PICALM: variants seen among roughly 807,000 people sequenced by gnomAD.
The protein encoded by PICALM is phosphatidylinositol binding clathrin assembly protein.
In PICALM, 40 loss-of-function variants were observed where a neutral mutation model predicts 80.5. That is an observed-to-expected ratio of 0.50 (90% CI 0.39 to 0.65). The LOEUF is 0.65. Ranked by LOEUF, PICALM falls within the 30% of genes least tolerant of loss-of-function variation. The probability of loss-of-function intolerance (pLI) is 0.00; values close to 1 mark genes in which losing one functional copy is unlikely to be tolerated. For synonymous variants in PICALM, 288 were observed against 260.3 expected (o/e 1.11, Z -1.02); for missense variants, 676 against 778.9 (o/e 0.87, Z 1.57).
rs1259743464 is a variant in PICALM at position 86,008,950 on chromosome 11, GCCAAAAA to G, written c.766-1374_766-1368del. ...CTCCAGAAAAAGGAAAAAAAAAAAA[GCCAAAAA>G]AAAAAAAAAAGAAAAAAAGCGTAAG... On this transcript the variant is annotated intron_variant, in intron 7 of 19. Transcript: ENST00000393346. 1.5e-4 allele frequency among the ~76,000 whole-genome samples: 5 copies of G among 34,382 alleles called. No homozygotes were observed. The South Asian group carries it at 2.9e-3, about 20-fold the overall frequency. 22.6% of individuals were successfully genotyped at this position (34,382 alleles called of 152,430 possible).
intron 17 of PICALM, among the ~76,000 whole-genome samples, chr11:85,979,870 T>C (rs1470510611): frequency 1.3e-5 from 2 of 152,210 alleles, no homozygotes; most frequent in African/African-American, 4.8e-5. Context: ...CAAGGAGTTT[T>C]CTTTGACTGA....
At position 86,064,254 on chromosome 11, in the gene PICALM, T is replaced by C. The variant is rs555833228; in HGVS notation, c.130+4397A>G. On this transcript the variant is annotated intron_variant, in intron 1 of 19. Transcript: ENST00000393346. ...AACCATGCTGTATCGACCAGAGATA[T>C]GTTGATAATGGATGCTTAGTAAGAA... Among the ~76,000 whole-genome samples the C allele has an allele frequency of 5.7e-4, 87 of 152,304 alleles. 1 individual carries two copies. The highest frequency in any genetic ancestry group is 2.0e-3 in the African/African-American group (84 of 41,568).
intron 9 of PICALM, among the ~76,000 whole-genome samples, chr11:86,001,792 C>T (rs1414728444): frequency 2.6e-5 from 4 of 152,166 alleles, no homozygotes; most frequent in African/African-American, 2.4e-5. Context: ...TGGCAAGGCA[C>T]CTCCTTTCCC....
intron 1 of PICALM, among the ~76,000 whole-genome samples, chr11:86,035,879 C>T (rs572171120): frequency 5.8e-5 from 8 of 138,864 alleles, no homozygotes; most frequent in South Asian, 2.3e-4. Flanking sequence ...GTCTGGGAGG[C>T]GGAGGTTGCA....
chr11:85,963,973 A>C (rs1402476717), intron 19 of PICALM, among the ~76,000 whole-genome samples: 1 of 126,994 alleles, frequency 7.9e-6, no homozygotes, highest in Non-Finnish European at 1.6e-5. Flanking sequence ...AATGTTGTAC[A>C]GGCTGGGTCA....
Position 86,068,814 on chromosome 11 carries a change from C to CAGCCGGCGGGGACTGGGACCCCCAAG in PICALM, c.-60_-35dup, listed in dbSNP as rs2096484314. 6.4e-7 allele frequency: 1 copy of CAGCCGGCGGGGACTGGGACCCCCAAG among 1,574,194 alleles called. No homozygotes were observed. Among genetic ancestry groups the CAGCCGGCGGGGACTGGGACCCCCAAG allele is most frequent in the Admixed American group, 1.8e-5 (1 of 55,682 alleles). ...CTCCTCCACCACCCCACCCGCTCAG[C>CAGCCGGCGGGGACTGGGACCCCCAAG]AGCCGGCGGGGACTGGGACCCCCAA... On this transcript the variant is annotated 5_prime_UTR_variant, in exon 1 of 20. Transcript: ENST00000393346.
At chr11:86,037,259 A>ATTTTTTTTTTT (rs763255182) in intron 1 of PICALM, among the ~76,000 whole-genome samples, 1 of 106,034 alleles carries the variant, frequency 9.4e-6, no homozygotes, top group African/African-American at 4.0e-5. Context: ...AAAAAAGAAA[A>ATTTTTTTTTTT]TTTTTTTTTT....
intron 10 of PICALM, 50 bp downstream of exon 10, chr11:86,000,985 A>T (rs770145578): frequency 3.1e-6 from 5 of 1,604,532 alleles, no homozygotes; most frequent in Non-Finnish European, 4.3e-6. Flanking sequence ...CCATTTACCT[A>T]ATGAACACCT....
chr11:86,010,917 T>C lies in PICALM; in HGVS notation c.765+113A>G, dbSNP rs113843966. 7.5e-3 allele frequency: 4,844 copies of C among 648,546 alleles called. 19 individuals are homozygous for C. Among genetic ancestry groups the C allele is most frequent in the Non-Finnish European group, 0.01 (3,659 of 363,400 alleles). The allele number at this position is 648,546 out of a possible 1,614,324, so 40.2% of individuals were successfully genotyped here. A position where few individuals can be genotyped will look rare whatever the true frequency, so the allele number is the denominator to read the frequency against. ...AGAATTCAATACAGCATAATAATGA[T>C]TGAATACTAAATTGAAGACATTTAT... On this transcript the variant is annotated intron_variant, in intron 7 of 19. Transcript: ENST00000393346.
At chr11:86,052,756 T>C (rs1283745161) in intron 1 of PICALM, among the ~76,000 whole-genome samples, 1 of 152,190 alleles carries the variant, frequency 6.6e-6, no homozygotes, top group Non-Finnish European at 1.5e-5. Context: ...CAAAAAGCTA[T>C]ATCTAAAGGT....
intron 1 of PICALM, among the ~76,000 whole-genome samples, chr11:86,035,125 T>G (rs977813939): frequency 5.8e-5 from 1 of 17,334 alleles, no homozygotes; most frequent in Admixed American, 4.1e-4. Flanking sequence ...TGAGGAAGTC[T>G]TTTTTTTTTT....
chr11:85,981,539 G>T (rs1183979423), intron 16 of PICALM, among the ~76,000 whole-genome samples: 1 of 151,882 alleles, frequency 6.6e-6, no homozygotes, highest in Non-Finnish European at 1.5e-5. Flanking sequence ...TCCGGGAGGC[G>T]GAGCTTGCAG....
At chr11:86,062,539 G>A (rs2096384987) in intron 1 of PICALM, among the ~76,000 whole-genome samples, 1 of 151,574 alleles carries the variant, frequency 6.6e-6, no homozygotes, top group Admixed American at 6.6e-5. Context: ...AAACCCTAAT[G>A]TAAACCATGG....
At chr11:86,053,366 TG>T (rs1379503295) in intron 1 of PICALM, among the ~76,000 whole-genome samples, 5 of 152,262 alleles carry the variant, frequency 3.3e-5, no homozygotes, top group African/African-American at 1.2e-4. Flanking sequence ...AGACTATGTC[TG>T]GATGTCACTT....
intron 19 of PICALM, among the ~76,000 whole-genome samples, chr11:85,972,544 T>C (rs1320301973): frequency 6.6e-6 from 1 of 152,180 alleles, no homozygotes; most frequent in Non-Finnish European, 1.5e-5. Context: ...TAATTGGAAA[T>C]TGTCTGGTAG....
At chr11:86,010,948 T>G in intron 7 of PICALM, 82 bp downstream of exon 7, 1 of 679,728 alleles carries the variant, frequency 1.5e-6, no homozygotes, top group South Asian at 1.7e-5. Flanking sequence ...TTTATTTTAT[T>G]TGGATAGTGA....
chr11:85,982,248 T>A, intron 14 of PICALM: 1 of 427,848 alleles, frequency 2.3e-6, no homozygotes, highest in East Asian at 4.3e-5. Flanking sequence ...ACATTAGGGT[T>A]AAAGGGGATA....
At chr11:85,990,561 T>C (rs943903462) in intron 12 of PICALM, among the ~76,000 whole-genome samples, 162 bp from the exon 13 acceptor site, 1 of 152,184 alleles carries the variant, frequency 6.6e-6, no homozygotes, top group African/African-American at 2.4e-5. Context: ...ATCATCAAGA[T>C]AGAAGAATTG....
At chr11:86,022,301 G>A in intron 4 of PICALM, 66 bp downstream of exon 4, 3 of 857,414 alleles carry the variant, frequency 3.5e-6, no homozygotes, top group Non-Finnish European at 3.7e-6. Flanking sequence ...TCATAATCTA[G>A]TAACTCCTAT....
Sources: gnomAD v4.1 joint callset for allele counts (sites outside exome capture counted in the v4.1 genomes callset) on GRCh38, gnomAD v4.1.1 for gene constraint, MANE v1.5 for transcripts, NCBI Gene and HGNC (gene_info 2026-07-23, HGNC 2026-07-21) for gene names.